MGAT5: variants seen among roughly 807,000 people sequenced by gnomAD.
MGAT5 encodes alpha-1,6-mannosylglycoprotein 6-beta-N-acetylglucosaminyltransferase A.
A neutral mutation model predicts 94.3 loss-of-function variants in MGAT5; 30 were observed. That is an observed-to-expected ratio of 0.32 (90% confidence interval 0.24 to 0.43). The LOEUF is 0.43. MGAT5 is among the 20% of genes least tolerant of loss of function. MGAT5 has a pLI of 1.00. For synonymous variants in MGAT5, 310 were observed against 322.9 expected, an observed-to-expected ratio of 0.96 and a Z score of 0.43; for missense variants, 691 against 905.5, an observed-to-expected ratio of 0.76 and a Z score of 3.04.
chr2:134,415,500 C>T lies in MGAT5; in HGVS notation c.1677+2485C>T, dbSNP rs560513893. Among the ~76,000 whole-genome samples the T allele has an allele frequency of 3.3e-5, 5 of 152,190 alleles. No homozygotes were observed. In the South Asian group the frequency reaches 8.3e-4, roughly 25 times the overall value. ...TTCCGCAGTTGAGTTGTAGGAGTTC[C>T]TTATATACTTTGGGAATTAACCGCT... On this transcript the variant is annotated intron_variant, in intron 12 of 15. Coordinates refer to ENST00000281923, the MANE Select transcript of MGAT5 (RefSeq NM_002410.5).
intron 15 of MGAT5, among the ~76,000 whole-genome samples, chr2:134,446,103 G>T (rs935124098): frequency 1.3e-5 from 2 of 152,116 alleles, no homozygotes; most frequent in African/African-American, 4.8e-5. Context: ...GAGCTGCCTG[G>T]TGTCGGGTCT....
chr2:134,450,735 T>C lies in MGAT5; in HGVS notation c.*1888T>C, dbSNP rs1686053399. On this transcript the variant is annotated 3_prime_UTR_variant, in exon 16 of 16. Coordinates refer to ENST00000281923, the MANE Select transcript of MGAT5 (RefSeq NM_002410.5). The stretch of plus-strand genomic sequence containing the variant: ...AGACCTGGCTGAGAATAGCCTCTGC[T>C]TGGGCCTAGGAAGAAGGGCAGAAGT... 1.3e-5 allele frequency: 2 copies of C among 152,074 alleles called. No homozygotes were observed. The highest frequency in any genetic ancestry group is 4.2e-4 in the South Asian group (2 of 4,784). The allele number at this position is 152,074 out of a possible 1,614,324, so 9.4% of individuals were successfully genotyped here.
intron 1 of MGAT5, among the ~76,000 whole-genome samples, chr2:134,226,923 G>A (rs555850712): frequency 8.6e-5 from 13 of 151,854 alleles, no homozygotes; most frequent in Admixed American, 3.9e-4. Context: ...CATTCCTGCC[G>A]AAGTCTTCTC....
chr2:134,401,755 G>C (rs1420103440), intron 10 of MGAT5, among the ~76,000 whole-genome samples: 2 of 152,152 alleles, frequency 1.3e-5, no homozygotes, highest in Non-Finnish European at 2.9e-5. Context: ...GGGTGGCAAG[G>C]GTGGTCTTGC....
At chr2:134,136,842 T>G (rs758863298) in intron 1 of MGAT5, among the ~76,000 whole-genome samples, 6 of 152,190 alleles carry the variant, frequency 3.9e-5, no homozygotes, top group Admixed American at 3.3e-4. Flanking sequence ...GGCTGTCAGG[T>G]GCGTTTGTAG....
At chr2:134,386,231 C>A (rs1573982777) in intron 10 of MGAT5, among the ~76,000 whole-genome samples, 1 of 152,130 alleles carries the variant, frequency 6.6e-6, no homozygotes, top group East Asian at 1.9e-4. Flanking sequence ...TTGAACCAAC[C>A]ATTGATAGGA....
At chr2:134,329,362 C>T (rs1687819446) in intron 4 of MGAT5, among the ~76,000 whole-genome samples, 1 of 152,126 alleles carries the variant, frequency 6.6e-6, no homozygotes, top group Non-Finnish European at 1.5e-5. Flanking sequence ...GTTTCGTTTG[C>T]TCTTGCTACA....
At chr2:134,195,267 A>G (rs1219535803) in intron 1 of MGAT5, among the ~76,000 whole-genome samples, 1 of 152,238 alleles carries the variant, frequency 6.6e-6, no homozygotes, top group Non-Finnish European at 1.5e-5. Flanking sequence ...TTCAAACCTT[A>G]TTAGTCATAA....
intron 1 of MGAT5, among the ~76,000 whole-genome samples, chr2:134,133,652 G>A (rs1429799383): frequency 1.3e-5 from 2 of 152,216 alleles, no homozygotes; most frequent in African/African-American, 4.8e-5. Flanking sequence ...AATATGTAGA[G>A]AAACTGGGTT....
intron 14 of MGAT5, among the ~76,000 whole-genome samples, chr2:134,433,039 A>T (rs1435686385): frequency 6.6e-6 from 1 of 152,178 alleles, no homozygotes; most frequent in Non-Finnish European, 1.5e-5. Context: ...CTAGTTTTGC[A>T]GCATTTCCGT....
intron 9 of MGAT5, among the ~76,000 whole-genome samples, chr2:134,351,461 G>C (rs1679378052): frequency 6.6e-6 from 1 of 152,114 alleles, no homozygotes; most frequent in Non-Finnish European, 1.5e-5. Flanking sequence ...AGAGTTTCCA[G>C]GGAGTAGAGA....
At chr2:134,224,263 G>A (rs1486212422) in intron 1 of MGAT5, among the ~76,000 whole-genome samples, 1 of 152,188 alleles carries the variant, frequency 6.6e-6, no homozygotes, top group African/African-American at 2.4e-5. Flanking sequence ...GAAGTTTCCA[G>A]AGCGGTACTT....
In MGAT5 at chr2:134,135,133, G is replaced by C. The variant is rs188515187; in HGVS notation, c.-143+14842G>C. ...GCTAATTGCATATTGAAATACATTA[G>C]ATTTGTCATAAATTACTTTCCTTTA... On this transcript the variant is annotated intron_variant, in intron 1 of 16. Coordinates refer to the MGAT5 transcript ENST00000409645. Among the ~76,000 whole-genome samples the C allele has an allele frequency of 7.9e-5, 12 of 152,256 alleles. No homozygotes were observed. In the East Asian group the frequency reaches 2.3e-3, roughly 29 times the overall value.
At chr2:134,357,844 C>T (rs1484049846) in intron 9 of MGAT5, among the ~76,000 whole-genome samples, 2 of 150,340 alleles carry the variant, frequency 1.3e-5, no homozygotes, top group East Asian at 3.9e-4. Context: ...TCCCAGCCTT[C>T]TCTCTTGAAG....
intron 1 of MGAT5, among the ~76,000 whole-genome samples, chr2:134,213,938 C>A (rs1680332542): frequency 6.6e-6 from 1 of 152,124 alleles, no homozygotes; most frequent in African/African-American, 2.4e-5. Flanking sequence ...TCAATGTCCA[C>A]CCTTTCTTCC....
chr2:134,366,814 A>G (rs935618786), intron 10 of MGAT5, among the ~76,000 whole-genome samples: 2 of 152,216 alleles, frequency 1.3e-5, no homozygotes, highest in Non-Finnish European at 2.9e-5. Flanking sequence ...GTGTGGTACA[A>G]AGTAGCTGAC....
intron 1 of MGAT5, among the ~76,000 whole-genome samples, chr2:134,246,136 G>A (rs1448713696): frequency 7.7e-6 from 1 of 130,148 alleles, no homozygotes; most frequent in Non-Finnish European, 1.6e-5. Flanking sequence ...GGAACAGACT[G>A]TTTTCATTTA....
At chr2:134,423,166 A>AG (rs1229162170) in intron 13 of MGAT5, among the ~76,000 whole-genome samples, 1 of 152,236 alleles carries the variant, frequency 6.6e-6, no homozygotes, top group African/African-American at 2.4e-5. Flanking sequence ...CATGGATCCC[A>AG]GGCACAGGAG....
intron 1 of MGAT5, among the ~76,000 whole-genome samples, chr2:134,216,031 G>A (rs770254348): frequency 5.9e-5 from 9 of 152,006 alleles, no homozygotes; most frequent in Non-Finnish European, 8.8e-5. Context: ...CCTTAGAAAG[G>A]CATTATTATT....
Sources: allele counts gnomAD v4.1 joint callset (sites outside exome capture counted in the v4.1 genomes callset), GRCh38; gene constraint gnomAD v4.1.1; transcripts MANE v1.5; gene names NCBI Gene and HGNC (gene_info 2026-07-23, HGNC 2026-07-21).